Variants in SMIM35 observed in about 807,000 individuals in gnomAD.
SMIM35 encodes the protein TMPRSS4 antisense RNA 1 (non-protein coding).
intron 1 of SMIM35, among the ~76,000 whole-genome samples, chr11:118,033,531 T>C (rs982809024): frequency 6.6e-6 from 1 of 152,184 alleles, no homozygotes; most frequent in Non-Finnish European, 1.5e-5. Flanking sequence ...TTGTTGTTGT[T>C]GTTGTTGCTT....
chr11:118,048,769 T>C (rs1430984241), intron 1 of SMIM35, among the ~76,000 whole-genome samples: 2 of 149,606 alleles, frequency 1.3e-5, no homozygotes, highest in African/African-American at 4.9e-5. Flanking sequence ...ATTAAACACA[T>C]GAGTAATAGC....
chr11:118,017,756 G>T (rs928099733), intron 1 of SMIM35, among the ~76,000 whole-genome samples: 1 of 152,138 alleles, frequency 6.6e-6, no homozygotes, highest in Non-Finnish European at 1.5e-5. Context: ...CATGGCTGGG[G>T]AGGCCTCAGG....
intron 4 of SMIM35, among the ~76,000 whole-genome samples, chr11:118,010,787 C>A (rs1032898753): frequency 6.6e-6 from 1 of 152,182 alleles, no homozygotes; most frequent in African/African-American, 2.4e-5. Flanking sequence ...CCCGGACCAG[C>A]CAGCCCTTGG....
intron 1 of SMIM35, among the ~76,000 whole-genome samples, chr11:118,066,067 A>AC (rs138617947): frequency 1.3e-5 from 2 of 150,866 alleles, no homozygotes; most frequent in African/African-American, 2.4e-5. Context: ...CAGCCACAGG[A>AC]CCCCCCGGAC....
intron 1 of SMIM35, among the ~76,000 whole-genome samples, chr11:118,082,909 C>T (rs1014707217): frequency 6.6e-6 from 1 of 152,180 alleles, no homozygotes; most frequent in African/African-American, 2.4e-5. Flanking sequence ...CGAGTGGGTT[C>T]CCCAAGCGTA....
At chr11:118,020,367 T>A (rs979048188) in intron 1 of SMIM35, among the ~76,000 whole-genome samples, 2 of 152,228 alleles carry the variant, frequency 1.3e-5, no homozygotes, top group African/African-American at 4.8e-5. Flanking sequence ...TTATTCTGAG[T>A]ACTTTTCTCT....
At chr11:118,048,946 C>CAAAAGAAAAAAAAAAAAAAAAA (rs1944158517) in intron 1 of SMIM35, among the ~76,000 whole-genome samples, 1 of 60,490 alleles carries the variant, frequency 1.7e-5, no homozygotes, top group Non-Finnish European at 3.0e-5. Context: ...TGAAGAGCTG[C>CAAAAGAAAAAAAAAAAAAAAAA]AAAAAAAAAA....
chr11:118,035,340 T>C (rs563956347), intron 1 of SMIM35, among the ~76,000 whole-genome samples: 2 of 152,200 alleles, frequency 1.3e-5, no homozygotes, highest in South Asian at 2.1e-4. Context: ...AGAGCATTAA[T>C]TTCCATACTC....
chr11:118,068,894 C>T (rs1444026361), intron 1 of SMIM35, among the ~76,000 whole-genome samples: 1 of 152,192 alleles, frequency 6.6e-6, no homozygotes, highest in Non-Finnish European at 1.5e-5. Context: ...TCAGTCAAGC[C>T]AGAGCCACCA....
At chr11:118,076,870 A>C (rs907789871) in intron 1 of SMIM35, 1 of 162,658 alleles carries the variant, frequency 6.1e-6, no homozygotes, top group African/African-American at 2.4e-5. Context: ...CTCAGCCAAC[A>C]CCCAGTTGGG....
At chr11:118,023,170 A>C (rs186678916) in intron 1 of SMIM35, among the ~76,000 whole-genome samples, 12 of 152,112 alleles carry the variant, frequency 7.9e-5, no homozygotes, top group Admixed American at 7.8e-4. Flanking sequence ...AATGAACAGA[A>C]CAACCAACAG....
chr11:118,030,841 C>T (rs973224166), intron 1 of SMIM35, among the ~76,000 whole-genome samples: 2 of 151,852 alleles, frequency 1.3e-5, no homozygotes, highest in Non-Finnish European at 2.9e-5. Flanking sequence ...GCATCCATGG[C>T]AGTGTTAGGG....
At chr11:118,063,014 C>A (rs562911315) in intron 1 of SMIM35, among the ~76,000 whole-genome samples, 88 of 152,236 alleles carry the variant, frequency 5.8e-4, no homozygotes, top group Non-Finnish European at 2.9e-5. Flanking sequence ...GCTGCACTCC[C>A]ACCAGCGCCA....
intron 1 of SMIM35, among the ~76,000 whole-genome samples, chr11:118,027,015 A>AC (rs2058279542): frequency 2.6e-5 from 2 of 77,162 alleles, no homozygotes; most frequent in South Asian, 9.4e-4. Flanking sequence ...CACCACCACC[A>AC]CTTTTTTTTT....
chr11:118,029,613 C>T lies in SMIM35; in HGVS notation c.8-13804G>A, dbSNP rs114111686. 4.2e-4 allele frequency: 194 copies of T among 456,860 alleles called. 1 individual carries two copies. The Middle Eastern group carries it at 7.3e-3, about 17-fold the overall frequency. 28.3% of individuals were successfully genotyped at this position (456,860 alleles called of 1,614,324 possible). ...CTGCTTCTTATTGTCATATCACTGT[C>T]AGCATCACCCAGTGTTTCTTTTTCA... is the stretch of plus-strand genomic sequence containing the variant. On this transcript the variant is annotated intron_variant, in intron 1 of 4. Transcript: ENST00000689828.
chr11:118,027,723 C>T (rs1263398871), intron 1 of SMIM35, among the ~76,000 whole-genome samples: 1 of 152,202 alleles, frequency 6.6e-6, no homozygotes, highest in Non-Finnish European at 1.5e-5. Flanking sequence ...CGTAAGTACT[C>T]ACACTTCCAA....
At chr11:118,032,116 G>C (rs2058325017) in intron 1 of SMIM35, 1 of 152,126 alleles carries the variant, frequency 6.6e-6, no homozygotes, top group Admixed American at 6.6e-5. Context: ...TGAGTATAAA[G>C]ATCATTCAAG....
At chr11:118,032,693 G>A (rs986445943) in intron 1 of SMIM35, among the ~76,000 whole-genome samples, 13 of 152,100 alleles carry the variant, frequency 8.5e-5, no homozygotes, top group East Asian at 3.8e-4. Context: ...GATCACTTGC[G>A]GTCAGGAGTT....
chr11:118,048,907 T>C (rs1224248086), intron 1 of SMIM35, among the ~76,000 whole-genome samples: 1 of 119,718 alleles, frequency 8.4e-6, no homozygotes, highest in African/African-American at 3.4e-5. Flanking sequence ...CTTTCCTTCC[T>C]CCTGCAGCCT....
Sources: gnomAD v4.1 joint callset for allele counts (sites outside exome capture counted in the v4.1 genomes callset) on GRCh38, gnomAD v4.1.1 for gene constraint, MANE v1.5 for transcripts, NCBI Gene and HGNC (gene_info 2026-07-23, HGNC 2026-07-21) for gene names.